Variants in PCDHA1 observed in about 807,000 individuals in gnomAD.
PCDHA1 encodes the protein protocadherin alpha-1.
PCDHA1 carries 42 observed loss-of-function variants against 61.3 expected under a neutral mutation model. The observed-to-expected ratio is 0.69, with a 90% CI of 0.54 to 0.89. The LOEUF is 0.89. Among genes scored for constraint, PCDHA1 ranks in the 40% least tolerant of loss-of-function variants. PCDHA1 has a pLI of 0.00. For missense variants in PCDHA1, 1,256 were observed against 1,235.3 expected (o/e 1.02, Z -0.25); for synonymous variants, 610 against 553.8 (o/e 1.10, Z -1.43).
At position 140,917,315 on chromosome 5, in the gene PCDHA1, T is replaced by C. The variant is rs1015690007; in HGVS notation, c.2395-61634T>C. Among the ~76,000 whole-genome samples, 5 of 128,328 alleles carry C rather than the reference T, an allele frequency of 3.9e-5. No homozygotes were observed. In the East Asian group the frequency reaches 1.3e-3, roughly 32 times the overall value. 84.2% of individuals were successfully genotyped at this position (128,328 alleles called of 152,430 possible). A position where few individuals can be genotyped will look rare whatever the true frequency, so the allele number is the denominator to read the frequency against. On this transcript the variant is annotated intron_variant, in intron 1 of 3. Coordinates refer to ENST00000504120, the MANE Select transcript of PCDHA1 (RefSeq NM_018900.4). Reference sequence around the variant, plus strand: ...TGCAGATAGTTGTTACAATTTGGTGTTCATGTGGCGGGGGAGGGGGGGGAT... The same window carrying C: ...TGCAGATAGTTGTTACAATTTGGTGCTCATGTGGCGGGGGAGGGGGGGGAT...
At chr5:140,882,535 G>A (rs2059175245) in intron 1 of PCDHA1, 4 of 1,614,232 alleles carry the variant, frequency 2.5e-6, no homozygotes, top group East Asian at 2.2e-5. Flanking sequence ...TGAATTCTCG[G>A]ATCGACCGCG....
chr5:140,989,949 G>A (rs551733184), intron 3 of PCDHA1, among the ~76,000 whole-genome samples: 3 of 152,064 alleles, frequency 2.0e-5, no homozygotes, highest in South Asian at 2.1e-4. Context: ...CGTTTTTCTC[G>A]GTGAGACCAA....
At chr5:140,877,928 TTC>T in intron 1 of PCDHA1, 1 of 1,415,260 alleles carries the variant, frequency 7.1e-7, no homozygotes, top group Non-Finnish European at 9.3e-7. Context: ...TTCTTTATGA[TTC>T]TATCCTTTAA....
At chr5:140,796,215 C>A (rs782215868) in intron 1 of PCDHA1, 5 of 1,614,198 alleles carry the variant, frequency 3.1e-6, no homozygotes, top group Non-Finnish European at 4.2e-6. Flanking sequence ...ACCGCGAGAG[C>A]GTGTCAGCCT....
chr5:141,001,867 A>C (rs2153971805), intron 3 of PCDHA1, among the ~76,000 whole-genome samples: 1 of 152,348 alleles, frequency 6.6e-6, no homozygotes, highest in Admixed American at 6.5e-5. Context: ...ATTGATGCCC[A>C]AAACCAAGAA....
In PCDHA1 at chr5:141,010,299, T is replaced by G; in HGVS notation, c.*362T>G. ...TCTTGATGACACTTGCAGGGCAGGCTGAAAAGTTTTGAGATTGAGCAGCTT... is the reference window on the plus strand; with the variant it reads ...TCTTGATGACACTTGCAGGGCAGGCGGAAAAGTTTTGAGATTGAGCAGCTT... On this transcript the variant is annotated 3_prime_UTR_variant, in exon 4 of 4. Transcript: ENST00000504120. 6.5e-7 allele frequency: 1 copy of G among 1,549,016 alleles called. No homozygotes were observed. The highest frequency in any genetic ancestry group is 2.4e-5 in the East Asian group (1 of 40,892).
intron 1 of PCDHA1, chr5:140,869,903 C>A: frequency 1.2e-6 from 2 of 1,610,648 alleles, no homozygotes; most frequent in Non-Finnish European, 1.7e-6. Flanking sequence ...CTAAACGCCA[C>A]AGACCGAGAC....
Position 140,850,860 on chromosome 5 carries a change from C to A in PCDHA1, c.2394+62176C>A, listed in dbSNP as rs2150500728. ...TGGATCTACAGAGCGAACGGGAGAACCCTCTGCTTCCTCAGATTCAACTGG... is the reference window on the plus strand; with the variant it reads ...TGGATCTACAGAGCGAACGGGAGAAACCTCTGCTTCCTCAGATTCAACTGG... On this transcript the variant is annotated intron_variant, in intron 1 of 3. Coordinates refer to ENST00000504120, the MANE Select transcript of PCDHA1 (RefSeq NM_018900.4). The A allele has an allele frequency of 3.1e-6, 5 of 1,593,234 alleles. 1 individual carries two copies. Among genetic ancestry groups the A allele is most frequent in the Non-Finnish European group, 4.3e-6 (5 of 1,164,206 alleles).
chr5:140,841,839 G>T, intron 1 of PCDHA1: 1 of 1,613,898 alleles, frequency 6.2e-7, no homozygotes, highest in South Asian at 1.1e-5. Context: ...TACAGGCTTA[G>T]CTCTCATGAT....
intron 3 of PCDHA1, among the ~76,000 whole-genome samples, chr5:140,985,683 G>T (rs926848363): frequency 3.3e-5 from 5 of 151,148 alleles, no homozygotes; most frequent in Admixed American, 6.6e-5. Flanking sequence ...CCTGCCTTAC[G>T]CTAATCCTCG....
At chr5:140,794,835 C>A in intron 1 of PCDHA1, 2 of 1,033,640 alleles carry the variant, frequency 1.9e-6, no homozygotes, top group Non-Finnish European at 2.8e-6. Context: ...AAGGAAAATA[C>A]CCAGAGCCCC....
In PCDHA1 at chr5:141,010,200, C is replaced by T. The variant is rs1356287133; in HGVS notation, c.*263C>T. On this transcript the variant is annotated 3_prime_UTR_variant, in exon 4 of 4. Coordinates refer to ENST00000504120, the MANE Select transcript of PCDHA1 (RefSeq NM_018900.4). ...AGCAGACCCAAGTTTCCTTTCTCCTCCGCCGCAAAGGAGAGGCTTCCCAGC... is the reference window on the plus strand; with the variant it reads ...AGCAGACCCAAGTTTCCTTTCTCCTTCGCCGCAAAGGAGAGGCTTCCCAGC... The T allele has an allele frequency of 1.3e-6, 2 of 1,551,984 alleles. No individual in the cohort carries two copies. Among genetic ancestry groups the T allele is most frequent in the African/African-American group, 2.7e-5 (2 of 73,038 alleles).
intron 1 of PCDHA1, among the ~76,000 whole-genome samples, chr5:140,897,837 C>A: frequency 6.6e-6 from 1 of 152,116 alleles, no homozygotes; most frequent in African/African-American, 2.4e-5. Context: ...TCTCCACATC[C>A]TCTCCAGCAC....
intron 1 of PCDHA1, among the ~76,000 whole-genome samples, chr5:140,973,261 C>G (rs1162687249): frequency 6.6e-6 from 1 of 152,156 alleles, no homozygotes; most frequent in African/African-American, 2.4e-5. Flanking sequence ...TCAGTGGCAC[C>G]TACTTTTATT....
In PCDHA1 at chr5:140,843,809, A is replaced by G; in HGVS notation, c.2394+55125A>G. 2.3e-6 allele frequency: 3 copies of G among 1,286,100 alleles called. 1 individual carries two copies. Among genetic ancestry groups the G allele is most frequent in the Non-Finnish European group, 3.2e-6 (3 of 925,236 alleles). 79.7% of individuals were successfully genotyped at this position (1,286,100 alleles called of 1,614,324 possible). A position where few individuals can be genotyped will look rare whatever the true frequency, so the allele number is the denominator to read the frequency against. On this transcript the variant is annotated intron_variant, in intron 1 of 3. Coordinates refer to ENST00000504120, the MANE Select transcript of PCDHA1 (RefSeq NM_018900.4). ...CAGATTTAGTTTTTCACCGTATTTTATAGTGAAAATTTAAACATTGTTTAG... is the reference window on the plus strand; with the variant it reads ...CAGATTTAGTTTTTCACCGTATTTTGTAGTGAAAATTTAAACATTGTTTAG...
At position 140,998,569 on chromosome 5, in the gene PCDHA1, G is replaced by GTTT. The variant is rs71574497; in HGVS notation, c.2543-11048_2543-11046dup. ...TTAATGTCTAATTTATTGTAAATAA[G>GTTT]TTTTTTTTTTTTGAGACAGAGTTTT... On this transcript the variant is annotated intron_variant, in intron 3 of 3. Transcript: ENST00000504120. Among the ~76,000 whole-genome samples, 105 of 149,398 alleles carry GTTT rather than the reference G, an allele frequency of 7.0e-4. 1 individual carries two copies. Among genetic ancestry groups the GTTT allele is most frequent in the Middle Eastern group, 3.4e-3 (1 of 292 alleles).
chr5:140,968,741 A>T, intron 1 of PCDHA1: 1 of 1,614,106 alleles, frequency 6.2e-7, no homozygotes, highest in Non-Finnish European at 8.5e-7. Context: ...TTTCAACCTG[A>T]CCGTGGTGGT....
intron 1 of PCDHA1, chr5:140,869,555 G>C (rs2051240207): frequency 6.2e-7 from 1 of 1,614,054 alleles, no homozygotes; most frequent in Non-Finnish European, 8.5e-7. Flanking sequence ...TCGGACTCGC[G>C]TTTTCCACTA....
At position 140,857,333 on chromosome 5, in the gene PCDHA1, G is replaced by C. The variant is rs200210897; in HGVS notation, c.2394+68649G>C. On this transcript the variant is annotated intron_variant, in intron 1 of 3. Coordinates refer to ENST00000504120, the MANE Select transcript of PCDHA1 (RefSeq NM_018900.4). Reference sequence around the variant, plus strand: ...TGAGCTGGTGGTGACCGCGCGGGACGGGGGCTCGCCTCCGCTGTGGGCCAC... The same window carrying C: ...TGAGCTGGTGGTGACCGCGCGGGACCGGGGCTCGCCTCCGCTGTGGGCCAC... 1.4e-4 allele frequency: 230 copies of C among 1,598,472 alleles called. 32 individuals are homozygous for C. The highest frequency in any genetic ancestry group is 1.8e-4 in the Non-Finnish European group (207 of 1,167,970).
Sources: gnomAD v4.1 joint callset for allele counts (sites outside exome capture counted in the v4.1 genomes callset) on GRCh38, gnomAD v4.1.1 for gene constraint, MANE v1.5 for transcripts, NCBI Gene and HGNC (gene_info 2026-07-23, HGNC 2026-07-21) for gene names.